The following C9 variants were observed in gnomAD, a reference collection of about 807,000 sequenced individuals.
C9 encodes complement component C9.
C9 carries 63 observed loss-of-function variants against 65.4 expected under a neutral mutation model. The ratio of observed to expected loss-of-function variants is 0.96; its 90% CI spans 0.79 to 1.19. The LOEUF is 1.19. C9 is among the 50% of genes most tolerant of loss of function. The probability of loss-of-function intolerance (pLI) is 0.00; values close to 1 mark genes in which losing one functional copy is unlikely to be tolerated. For missense variants in C9, 744 were observed against 670.1 expected (o/e 1.11, Z -1.22); for synonymous variants, 229 against 227.9 (o/e 1.00, Z -0.04).
At chr5:39,301,884 C>G (rs1023061169) in intron 9 of C9, among the ~76,000 whole-genome samples, 3 of 152,058 alleles carry the variant, frequency 2.0e-5, no homozygotes, top group Non-Finnish European at 2.9e-5. Context: ...TCAACCATGT[C>G]ATATTTATTT....
At chr5:39,348,554 C>G (rs1351404303) in intron 1 of C9, among the ~76,000 whole-genome samples, 1 of 152,114 alleles carries the variant, frequency 6.6e-6, no homozygotes, top group South Asian at 2.1e-4. Flanking sequence ...GAAATAGGAA[C>G]ACTTTTACAC....
intron 7 of C9, among the ~76,000 whole-genome samples, chr5:39,308,570 C>T (rs1346542000): frequency 6.6e-6 from 1 of 152,120 alleles, no homozygotes; most frequent in Non-Finnish European, 1.5e-5. Flanking sequence ...TGGCAAAGGA[C>T]ACATTAAGTC....
chr5:39,316,154 A>G, intron 5 of C9, 125 bp from the exon 6 acceptor site: 2 of 734,398 alleles, frequency 2.7e-6, no homozygotes, highest in Non-Finnish European at 4.5e-6. Context: ...AGTTAAGAGC[A>G]AAAGTGATGG....
At chr5:39,325,513 G>A (rs1483683651) in intron 5 of C9, among the ~76,000 whole-genome samples, 2 of 152,094 alleles carry the variant, frequency 1.3e-5, no homozygotes, top group Non-Finnish European at 2.9e-5. Context: ...GGTTGCTCAC[G>A]CCTGTAATCC....
At chr5:39,286,470 G>C (rs1194255071) in intron 10 of C9, among the ~76,000 whole-genome samples, 1 of 151,738 alleles carries the variant, frequency 6.6e-6, no homozygotes, top group Non-Finnish European at 1.5e-5. Flanking sequence ...CAGTAGACTA[G>C]ACAACAGAAA....
intron 9 of C9, among the ~76,000 whole-genome samples, chr5:39,293,142 A>G (rs1753126118): frequency 6.6e-6 from 1 of 151,942 alleles, no homozygotes; most frequent in African/African-American, 2.4e-5. Flanking sequence ...GGAAGGAAAA[A>G]AGAAACAAAA....
At chr5:39,303,654 G>A (rs1753324079) in intron 9 of C9, among the ~76,000 whole-genome samples, 1 of 151,888 alleles carries the variant, frequency 6.6e-6, no homozygotes. Flanking sequence ...GCAGGTCCCA[G>A]AATGTTATTT....
chr5:39,329,886 C>T (rs1413164340), intron 5 of C9, among the ~76,000 whole-genome samples: 4 of 152,074 alleles, frequency 2.6e-5, no homozygotes. Context: ...GATATTTCCC[C>T]TCATGTAAGT....
intron 7 of C9, among the ~76,000 whole-genome samples, chr5:39,309,952 C>T (rs529001388): frequency 1.3e-5 from 2 of 152,226 alleles, no homozygotes; most frequent in South Asian, 4.1e-4. Flanking sequence ...GACCTGTGTC[C>T]TCTTGTACCC....
At chr5:39,303,791 C>T (rs1579844913) in intron 9 of C9, among the ~76,000 whole-genome samples, 1 of 152,064 alleles carries the variant, frequency 6.6e-6, no homozygotes, top group Admixed American at 6.6e-5. Flanking sequence ...CTTGTTTCCT[C>T]CCGCATCCCA....
chr5:39,359,800 C>T (rs180683096), intron 1 of C9, among the ~76,000 whole-genome samples: 1 of 152,278 alleles, frequency 6.6e-6, no homozygotes, highest in Admixed American at 6.5e-5. Context: ...TGTTAGCATT[C>T]CTCACTAGAT....
At chr5:39,358,308 A>G (rs1388237191) in intron 1 of C9, among the ~76,000 whole-genome samples, 2 of 152,234 alleles carry the variant, frequency 1.3e-5, no homozygotes, top group Non-Finnish European at 2.9e-5. Context: ...GAGGGTCTGG[A>G]TAAAGTTTTC....
At chr5:39,299,753 T>C (rs1561334153) in intron 9 of C9, among the ~76,000 whole-genome samples, 1 of 152,090 alleles carries the variant, frequency 6.6e-6, no homozygotes, top group Non-Finnish European at 1.5e-5. Context: ...GTTTCATGAT[T>C]GTAAGTGTTT....
At chr5:39,316,320 C>T (rs2542705) in intron 5 of C9, among the ~76,000 whole-genome samples, 61,393 of 151,972 alleles carry the variant, frequency 0.4, 13,222 homozygotes, top group East Asian at 0.64. Context: ...ATAATGCATA[C>T]GAAGGACTTA....
intron 1 of C9, among the ~76,000 whole-genome samples, chr5:39,343,058 G>C (rs915067131): frequency 2.6e-5 from 4 of 152,264 alleles, no homozygotes; most frequent in Admixed American, 1.3e-4. Flanking sequence ...CACAGAAAAG[G>C]CTAGCTGAAC....
intron 4 of C9, 101 bp from the exon 5 acceptor site, chr5:39,331,915 C>A (rs1579863591): frequency 2.1e-6 from 2 of 965,638 alleles, no homozygotes; most frequent in East Asian, 4.8e-5. Flanking sequence ...GTTCATGTCA[C>A]CGTCACCCAA....
intron 9 of C9, among the ~76,000 whole-genome samples, chr5:39,302,111 G>C (rs75379270): frequency 0.015 from 2,320 of 152,168 alleles, 62 homozygotes; most frequent in East Asian, 0.077. Flanking sequence ...AAAGATGAAG[G>C]ACATGCAATG....
intron 7 of C9, 144 bp from the exon 8 acceptor site, chr5:39,308,502 TG>T: frequency 2.9e-6 from 2 of 689,020 alleles, no homozygotes. Flanking sequence ...ATGTCTGTCC[TG>T]CTTTGTCCTC....
intron 4 of C9, among the ~76,000 whole-genome samples, chr5:39,334,449 C>T (rs1402239562): frequency 2.0e-5 from 3 of 147,436 alleles, no homozygotes; most frequent in Non-Finnish European, 3.0e-5. Flanking sequence ...GGAGCCCCTC[C>T]GCCTGGCTGA....
Sources: gnomAD v4.1 joint callset for allele counts (sites outside exome capture counted in the v4.1 genomes callset) on GRCh38, gnomAD v4.1.1 for gene constraint, MANE v1.5 for transcripts, NCBI Gene and HGNC (gene_info 2026-07-23, HGNC 2026-07-21) for gene names.